The following SLC18B1 variants were observed in gnomAD, a reference collection of about 807,000 sequenced individuals.
SLC18B1 encodes MFS-type transporter SLC18B1.
A neutral mutation model predicts 53.9 loss-of-function variants in SLC18B1; 62 were observed. The ratio of observed to expected loss-of-function variants is 1.15; its 90% confidence interval spans 0.94 to 1.42. SLC18B1 has a LOEUF of 1.42. SLC18B1 is among the 40% of genes most tolerant of loss of function. The pLI, the probability that SLC18B1 is intolerant of heterozygous loss-of-function variation, is 0.00. For synonymous variants in SLC18B1, 217 were observed against 200.9 expected, an observed-to-expected ratio of 1.08 and a Z score of -0.68; for missense variants, 598 against 547.3, an observed-to-expected ratio of 1.09 and a Z score of -0.93.
Position 132,770,046 on chromosome 6 carries a change from C to A in SLC18B1, c.*224G>T. The A allele has an allele frequency of 2.7e-6, 1 of 371,556 alleles. No individual in the cohort carries two copies. The highest frequency in any genetic ancestry group is 4.8e-6 in the Non-Finnish European group (1 of 206,482). The allele number at this position is 371,556 out of a possible 1,614,324, so 23.0% of individuals were successfully genotyped here. A position where few individuals can be genotyped will look rare whatever the true frequency, so the allele number is the denominator to read the frequency against. ...TTTGCTTGTTTTTAATTACTCCTTTCATACTTAATATTTCAAATATAGCTG... is the reference window on the plus strand; with the variant it reads ...TTTGCTTGTTTTTAATTACTCCTTTAATACTTAATATTTCAAATATAGCTG... On this transcript the variant is annotated 3_prime_UTR_variant, in exon 14 of 14. Transcript: ENST00000275227.
chr6:132,796,051 A>T (rs1328975477), intron 2 of SLC18B1, among the ~76,000 whole-genome samples: 1 of 152,062 alleles, frequency 6.6e-6, no homozygotes, highest in African/African-American at 2.4e-5. Context: ...TGTCTCTACT[A>T]AAAATACAAA....
At chr6:132,779,133 C>T (rs1582859438) in intron 7 of SLC18B1, 135 bp downstream of exon 7, 2 of 928,378 alleles carry the variant, frequency 2.2e-6, no homozygotes, top group East Asian at 5.3e-5. Context: ...GAGGGACACG[C>T]TACCTCGGTG....
rs142693844 is a variant in SLC18B1 at position 132,774,597 on chromosome 6, C to T, written c.898-284G>A. Among the ~76,000 whole-genome samples the T allele has an allele frequency of 7.1e-3, 1,079 of 152,022 alleles. 17 individuals are homozygous for T. The highest frequency in any genetic ancestry group is 0.024 in the African/African-American group (1,014 of 41,466). ...TGATGAACTATTACAAATATAACAACGAAAAAACTCATTATAAAAAGCAGT... is the reference window on the plus strand; with the variant it reads ...TGATGAACTATTACAAATATAACAATGAAAAAACTCATTATAAAAAGCAGT... On this transcript the variant is annotated intron_variant, in intron 8 of 13. Coordinates refer to ENST00000275227, the MANE Select transcript of SLC18B1 (RefSeq NM_052831.3).
intron 6 of SLC18B1, 96 bp from the exon 7 acceptor site, chr6:132,779,500 G>T: frequency 7.5e-7 from 1 of 1,331,774 alleles, no homozygotes; most frequent in Non-Finnish European, 1.0e-6. Context: ...ATCTTTATCT[G>T]GTAATCAAAA....
intron 11 of SLC18B1, 38 bp downstream of exon 11, chr6:132,772,092 CAA>C (rs200939302): frequency 0.013 from 13,531 of 1,080,458 alleles, no homozygotes; most frequent in Admixed American, 0.016. Flanking sequence ...AACTCCATCT[CAA>C]AAAAAAAAAA....
In SLC18B1 at chr6:132,787,337, T is replaced by C. The variant is rs761318182; in HGVS notation, c.501+97A>G. 441 of 1,212,180 alleles carry C rather than the reference T, an allele frequency of 3.6e-4. 1 individual carries two copies. Among genetic ancestry groups the C allele is most frequent in the Non-Finnish European group, 4.9e-4 (436 of 894,846 alleles). 75.1% of individuals were successfully genotyped at this position (1,212,180 alleles called of 1,614,324 possible). Reference sequence around the variant, plus strand: ...AACAATAATACAGAGAGTAGAGAAATGCAAGTATAGAAGAATGGACCCCAG... The same window carrying C: ...AACAATAATACAGAGAGTAGAGAAACGCAAGTATAGAAGAATGGACCCCAG... On this transcript the variant is annotated intron_variant, in intron 5 of 13. Coordinates refer to ENST00000275227, the MANE Select transcript of SLC18B1 (RefSeq NM_052831.3).
At chr6:132,775,727 G>T (rs1210446144) in intron 8 of SLC18B1, among the ~76,000 whole-genome samples, 1 of 152,140 alleles carries the variant, frequency 6.6e-6, no homozygotes, top group South Asian at 2.1e-4. Flanking sequence ...TATCAGAAAG[G>T]CTATGGGATA....
intron 7 of SLC18B1, among the ~76,000 whole-genome samples, 169 bp from the exon 8 acceptor site, chr6:132,776,598 T>A (rs1467206183): frequency 6.6e-6 from 1 of 152,234 alleles, no homozygotes; most frequent in Non-Finnish European, 1.5e-5. Flanking sequence ...TTTTTCTCTC[T>A]ATGGGAGGAC....
At chr6:132,780,152 G>A (rs1419717007) in intron 6 of SLC18B1, among the ~76,000 whole-genome samples, 4 of 151,110 alleles carry the variant, frequency 2.6e-5, no homozygotes, top group African/African-American at 9.8e-5. Context: ...AGGCTGGAGT[G>A]CAGTTGTGTT....
At chr6:132,796,468 G>C (rs1781691011) in intron 2 of SLC18B1, among the ~76,000 whole-genome samples, 1 of 143,182 alleles carries the variant, frequency 7.0e-6, no homozygotes. Context: ...AGAGGTTGCA[G>C]TGAGCCAAGA....
intron 4 of SLC18B1, among the ~76,000 whole-genome samples, chr6:132,788,708 A>G (rs1781444782): frequency 6.6e-6 from 1 of 151,856 alleles, no homozygotes; most frequent in Admixed American, 6.6e-5. Flanking sequence ...CTGTAATGCC[A>G]GCTATTTGGA....
intron 2 of SLC18B1, among the ~76,000 whole-genome samples, chr6:132,792,276 AAAGAAAGGAAGAAAGGAAGGAAGGAAGG>A (rs1562271387): frequency 2.5e-4 from 13 of 51,634 alleles, no homozygotes; most frequent in Non-Finnish European, 4.2e-4. Context: ...AGAAAGAAAG[AAAGAAAGGAAGAAAGGAAGGAAGGAAGG>A]AAGGAAGGAA....
intron 2 of SLC18B1, among the ~76,000 whole-genome samples, chr6:132,793,514 C>A (rs1347161077): frequency 1.3e-5 from 2 of 152,176 alleles, no homozygotes; most frequent in African/African-American, 4.8e-5. Context: ...TGTCATAAAA[C>A]CCCTGACTCT....
In SLC18B1 at chr6:132,784,021, T is replaced by C. The variant is rs1420140462; in HGVS notation, c.570A>G (p.Gln190=). 6.2e-7 allele frequency: 1 copy of C among 1,610,738 alleles called. No individual in the cohort carries two copies. The highest frequency in any genetic ancestry group is 1.7e-5 in the Admixed American group (1 of 59,360). ...LGPPVGGFLY[Q]SFGYEVPFIV... is the part of the protein sequence containing the mutation. ...TAAAAGGCACTTCATAGCCAAAGGATTGATACAAAAAGCCACCTACAGGAG... is the reference window on the plus strand; with the variant it reads ...TAAAAGGCACTTCATAGCCAAAGGACTGATACAAAAAGCCACCTACAGGAG... Residue 190 remains glutamine (Q), a synonymous_variant, in exon 6 of 14, where the codon CAA becomes CAG. Transcript: ENST00000275227.
chr6:132,796,523 T>C (rs985224771), intron 2 of SLC18B1, among the ~76,000 whole-genome samples: 1 of 110,924 alleles, frequency 9.0e-6, no homozygotes, highest in Non-Finnish European at 1.7e-5. Flanking sequence ...CGAAACCCTG[T>C]CTCGAAAGGA....
chr6:132,783,928 CTT>C lies in SLC18B1; in HGVS notation c.658+3_658+4del. ...TCTTAAAATGAGTAATAAGTGTGGA[CTT>C]ACCGTAATTGGGTAAAATATACATA... On this transcript the variant is annotated splice_donor_region_variant and intron_variant, in intron 6 of 13. Transcript: ENST00000275227. The C allele has an allele frequency of 6.3e-7, 1 of 1,581,584 alleles. No individual in the cohort carries two copies. The highest frequency in any genetic ancestry group is 1.9e-5 in the Admixed American group (1 of 54,046).
intron 7 of SLC18B1, among the ~76,000 whole-genome samples, chr6:132,778,657 C>A (rs1781154207): frequency 6.6e-6 from 1 of 152,048 alleles, no homozygotes. Context: ...TATTAATTCT[C>A]CAGTATAGTT....
At chr6:132,794,728 G>A (rs189604911) in intron 2 of SLC18B1, among the ~76,000 whole-genome samples, 1 of 152,260 alleles carries the variant, frequency 6.6e-6, no homozygotes, top group Non-Finnish European at 1.5e-5. Context: ...CAGGTGCGGT[G>A]GCTCACACCT....
Position 132,787,565 on chromosome 6 carries a change from G to T in SLC18B1, c.370C>A (p.Pro124Thr), listed in dbSNP as rs747991729. ...ATAGCAATAAATACTGGCCCATCTG[G>T]AACTCGGTCCAATACACTAAAAAGG... The part of the protein sequence containing the change: ...TILFGVLDRV[P>T]DGPVFIAMCF... The change falls in exon 5 of 14, where the codon CCA becomes ACA. Residue 124 changes from proline to threonine, a missense_variant. Transcript: ENST00000275227. 8.2e-6 allele frequency: 13 copies of T among 1,593,968 alleles called. No individual in the cohort carries two copies. Among genetic ancestry groups the T allele is most frequent in the Admixed American group, 3.6e-5 (2 of 55,762 alleles).
Sources: allele counts gnomAD v4.1 joint callset (sites outside exome capture counted in the v4.1 genomes callset), GRCh38; gene constraint gnomAD v4.1.1; transcripts MANE v1.5; gene names NCBI Gene and HGNC (gene_info 2026-07-23, HGNC 2026-07-21).